C1QL3: variants seen among roughly 807,000 people sequenced by gnomAD.
C1QL3 encodes the protein complement C1q-like protein 3.
C1QL3 carries 4 observed loss-of-function variants against 16.6 expected under a neutral mutation model. The ratio of observed to expected loss-of-function variants is 0.24; its 90% CI spans 0.12 to 0.55. The LOEUF (loss-of-function observed/expected upper bound fraction) is 0.55. C1QL3 is among the 20% of genes least tolerant of loss of function. The probability of loss-of-function intolerance (pLI) is 0.94; values close to 1 mark genes in which losing one functional copy is unlikely to be tolerated. For synonymous variants in C1QL3, 189 were observed against 160.2 expected (o/e 1.18, Z -1.36); for missense variants, 269 against 365.6 (o/e 0.74, Z 2.16).
intron 1 of C1QL3, among the ~76,000 whole-genome samples, chr10:16,519,087 TAGGGTAGAGA>T (rs1475439846): frequency 6.6e-6 from 1 of 150,536 alleles, no homozygotes; most frequent in Non-Finnish European, 1.5e-5. Context: ...ATTTGTAGGA[TAGGGTAGAGA>T]ATAGGACGTT....
Position 16,514,205 on chromosome 10 carries a change from C to CATAT in C1QL3, c.*319_*322dup, listed in dbSNP as rs34471233. The CATAT allele has an allele frequency of 2.9e-5, 12 of 416,364 alleles. No individual in the cohort carries two copies. Among genetic ancestry groups the CATAT allele is most frequent in the Admixed American group, 8.4e-5 (2 of 23,808 alleles). The allele number at this position is 416,364 out of a possible 1,614,324, so 25.8% of individuals were successfully genotyped here. A position where few individuals can be genotyped will look rare whatever the true frequency, so the allele number is the denominator to read the frequency against. On this transcript the variant is annotated 3_prime_UTR_variant, in exon 2 of 2. Transcript: ENST00000298943. The stretch of plus-strand genomic sequence containing the variant: ...GCAAGATCACAGTACACCAAAGTAT[C>CATAT]ATATATATAGAAGAAATAATTCAAT...
intron 1 of C1QL3, among the ~76,000 whole-genome samples, chr10:16,515,826 A>T (rs575368285): frequency 1.3e-3 from 191 of 152,250 alleles, no homozygotes; most frequent in African/African-American, 4.4e-3. Context: ...CTATAATGAT[A>T]TTTCCCTGAA....
In C1QL3 at chr10:16,520,645, C is replaced by G; in HGVS notation, c.421G>C (p.Glu141Gln). 1 of 1,612,210 alleles carries G rather than the reference C, an allele frequency of 6.2e-7. No individual in the cohort carries two copies. The highest frequency in any genetic ancestry group is 8.5e-7 in the Non-Finnish European group (1 of 1,179,158). The change falls in exon 1 of 2, where the codon GAG (glutamate) becomes CAG (glutamine). Residue 141 changes from glutamate to glutamine, a missense_variant. Coordinates refer to ENST00000298943, the MANE Select transcript of C1QL3 (RefSeq NM_001010908.2). The surrounding 1 kb of genome is among the most constrained non-coding windows in gnomAD (Gnocchi z 8.3). ...ACCACGTCGTCGAACTTGAGCACCTCGTAGCCTTCATGCTGCCGCTTGAGG... is the reference window on the plus strand; with the variant it reads ...ACCACGTCGTCGAACTTGAGCACCTGGTAGCCTTCATGCTGCCGCTTGAGG... ...AGLKRQHEGYEVLKFDDVVTN... is the reference protein window; with the variant it reads ...AGLKRQHEGYQVLKFDDVVTN...
intron 1 of C1QL3, 22 bp from the exon 2 acceptor site, chr10:16,514,729 T>G: frequency 6.4e-7 from 1 of 1,573,128 alleles, no homozygotes; most frequent in East Asian, 2.2e-5. Context: ...AGACAAGAAT[T>G]AGGATGCGTA....
At chr10:16,517,745 T>C (rs1053942401) in intron 1 of C1QL3, among the ~76,000 whole-genome samples, 2 of 152,242 alleles carry the variant, frequency 1.3e-5, no homozygotes, top group Admixed American at 6.5e-5. Context: ...ATTATCTTAT[T>C]AGTGAGGATC....
In C1QL3 at chr10:16,520,013, T is replaced by G. The variant is rs1389545633; in HGVS notation, c.588+465A>C. Among the ~76,000 whole-genome samples, 1 of 151,880 alleles carries G rather than the reference T, an allele frequency of 6.6e-6. No homozygotes were observed. The highest frequency in any genetic ancestry group is 1.5e-5 in the Non-Finnish European group (1 of 67,970). ...CTCATTCCTTCGGGGCCCTTGTTTCTCCCTCCGGCCTTTGTCTACCACCCC... is the reference window on the plus strand; with the variant it reads ...CTCATTCCTTCGGGGCCCTTGTTTCGCCCTCCGGCCTTTGTCTACCACCCC... On this transcript the variant is annotated intron_variant, in intron 1 of 1. Transcript: ENST00000298943. This position sits in a 1 kb window ranked among gnomAD's most constrained non-coding sequence, Gnocchi z 8.3.
Position 16,520,070 on chromosome 10 carries a change from A to C in C1QL3, c.588+408T>G, listed in dbSNP as rs1837016099. On this transcript the variant is annotated intron_variant, in intron 1 of 1. Transcript: ENST00000298943. This position sits in a 1 kb window ranked among gnomAD's most constrained non-coding sequence, Gnocchi z 8.3. ...GGTCACCCTGCCACGCCCATTCCGG[A>C]CTCCCCCAGGCCTCTCCACTCCCCA... 6.8e-6 allele frequency among the ~76,000 whole-genome samples: 1 copy of C among 147,186 alleles called. No homozygotes were observed. The highest frequency in any genetic ancestry group is 1.5e-5 in the Non-Finnish European group (1 of 66,726).
intron 1 of C1QL3, among the ~76,000 whole-genome samples, chr10:16,519,816 T>C (rs1276603309): frequency 6.6e-6 from 1 of 152,190 alleles, no homozygotes; most frequent in Admixed American, 6.5e-5. Context: ...ACTATTCTTT[T>C]TGTTATCAGC....
In C1QL3 at chr10:16,520,414, C is replaced by G. The variant is rs1837022259; in HGVS notation, c.588+64G>C. On this transcript the variant is annotated intron_variant, in intron 1 of 1. Transcript: ENST00000298943. This position sits in a 1 kb window ranked among gnomAD's most constrained non-coding sequence, Gnocchi z 8.3. ...CTCCCACCCCCATTTCCGGGGTCTC[C>G]TCCCTCTCGCCCGCACCTTCCCGCG... is the stretch of plus-strand genomic sequence containing the variant. The G allele has an allele frequency of 7.8e-7, 1 of 1,282,060 alleles. No homozygotes were observed. Among genetic ancestry groups the G allele is most frequent in the Non-Finnish European group, 1.1e-6 (1 of 940,058 alleles). 79.4% of individuals were successfully genotyped at this position (1,282,060 alleles called of 1,614,324 possible).
At position 16,514,529 on chromosome 10, in the gene C1QL3, C is replaced by T; in HGVS notation, c.767G>A (p.Ter256=). Residue 256 remains the stop codon, a stop_retained_variant, in exon 2 of 2, where the codon TGA becomes TAA. Coordinates refer to ENST00000298943, the MANE Select transcript of C1QL3 (RefSeq NM_001010908.2). ...TFSGFIIYAD[*] ...ATAATAAGCTTAGTTTCTGCATTAT[C>T]AGTCAGCATAAATAATAAATCCAGA... is the stretch of plus-strand genomic sequence containing the variant. 6.2e-7 allele frequency: 1 copy of T among 1,612,092 alleles called. No homozygotes were observed. Among genetic ancestry groups the T allele is most frequent in the South Asian group, 1.1e-5 (1 of 90,812 alleles).
intron 1 of C1QL3, among the ~76,000 whole-genome samples, chr10:16,519,447 G>C (rs899747982): frequency 1.3e-5 from 2 of 151,888 alleles, no homozygotes; most frequent in African/African-American, 4.8e-5. Context: ...CGCCTCAGTG[G>C]CTACTGATTC....
chr10:16,520,472 GCT>G lies in C1QL3; in HGVS notation c.588+4_588+5del. On this transcript the variant is annotated splice_donor_5th_base_variant and intron_variant, in intron 1 of 1. Coordinates refer to ENST00000298943, the MANE Select transcript of C1QL3 (RefSeq NM_001010908.2). The surrounding 1 kb of genome is among the most constrained non-coding windows in gnomAD (Gnocchi z 8.3). ...CCCGCCCTCCCCGCCGCCCGCCCGC[GCT>G]CACCTGGTTGTTTTTGCAGAGATCA... The G allele has an allele frequency of 9.4e-7, 1 of 1,066,902 alleles. No individual in the cohort carries two copies. Among genetic ancestry groups the G allele is most frequent in the Non-Finnish European group, 1.3e-6 (1 of 766,652 alleles). 66.1% of individuals were successfully genotyped at this position (1,066,902 alleles called of 1,614,324 possible). A position where few individuals can be genotyped will look rare whatever the true frequency, so the allele number is the denominator to read the frequency against.
Position 16,520,018 on chromosome 10 carries a change from C to CCGG in C1QL3, c.588+457_588+459dup, listed in dbSNP as rs1837015038. 6.6e-6 allele frequency among the ~76,000 whole-genome samples: 1 copy of CCGG among 152,144 alleles called. No homozygotes were observed. Among genetic ancestry groups the CCGG allele is most frequent in the Admixed American group, 6.5e-5 (1 of 15,282 alleles). On this transcript the variant is annotated intron_variant, in intron 1 of 1. Transcript: ENST00000298943. The surrounding 1 kb of genome is among the most constrained non-coding windows in gnomAD (Gnocchi z 8.3). Reference sequence around the variant, plus strand: ...TCCTTCGGGGCCCTTGTTTCTCCCTCCGGCCTTTGTCTACCACCCCCGAGT... The same window carrying CCGG: ...TCCTTCGGGGCCCTTGTTTCTCCCTCCGGCGGCCTTTGTCTACCACCCCCGAGT...
chr10:16,514,328 A>T lies in C1QL3; in HGVS notation c.*200T>A, dbSNP rs1182647383. The T allele has an allele frequency of 1.7e-6, 1 of 587,476 alleles. No individual in the cohort carries two copies. Among genetic ancestry groups the T allele is most frequent in the Non-Finnish European group, 3.0e-6 (1 of 332,414 alleles). The allele number at this position is 587,476 out of a possible 1,614,324, so 36.4% of individuals were successfully genotyped here. On this transcript the variant is annotated 3_prime_UTR_variant, in exon 2 of 2. Transcript: ENST00000298943. ...ATTTGCTTTGGCGGTAGTGGATCAC[A>T]CATCTGCTTATCTTGCTTTGATATT... is the stretch of plus-strand genomic sequence containing the variant.
chr10:16,521,009 C>G lies in C1QL3; in HGVS notation c.57G>C (p.Ser19=). Residue 19 remains serine (S), a synonymous_variant, in exon 1 of 2, where the codon TCG becomes TCC. Transcript: ENST00000298943. ...IPVLVSSAGT[S]AHYEMLGTCR... ...AGGTGCCCAGCATCTCGTAGTGCGC[C>G]GACGTGCCGGCCGAGCTCACCAGCA... 1 of 1,598,988 alleles carries G rather than the reference C, an allele frequency of 6.3e-7. No homozygotes were observed. Among genetic ancestry groups the G allele is most frequent in the East Asian group, 2.2e-5 (1 of 44,542 alleles).
rs1417528345 is a variant in C1QL3, at chr10:16,514,327, CA to C, written c.*200del. Reference sequence around the variant, plus strand: ...TATTTGCTTTGGCGGTAGTGGATCACACATCTGCTTATCTTGCTTTGATATT... The same window carrying C: ...TATTTGCTTTGGCGGTAGTGGATCACCATCTGCTTATCTTGCTTTGATATT... On this transcript the variant is annotated 3_prime_UTR_variant, in exon 2 of 2. Coordinates refer to ENST00000298943, the MANE Select transcript of C1QL3 (RefSeq NM_001010908.2). 4.8e-5 allele frequency: 28 copies of C among 585,484 alleles called. No homozygotes were observed. Among genetic ancestry groups the C allele is most frequent in the Non-Finnish European group, 6.9e-5 (23 of 331,420 alleles). The allele number at this position is 585,484 out of a possible 1,614,324, so 36.3% of individuals were successfully genotyped here.
intron 1 of C1QL3, among the ~76,000 whole-genome samples, chr10:16,515,017 C>T (rs1445999925): frequency 2.0e-5 from 3 of 152,082 alleles, no homozygotes; most frequent in Non-Finnish European, 2.9e-5. Flanking sequence ...CTAACTCCTT[C>T]GATCCCTATG....
At position 16,520,977 on chromosome 10, in the gene C1QL3, A is replaced by T; in HGVS notation, c.89T>A (p.Met30Lys). Residue 30 changes from methionine to lysine, a missense_variant, in exon 1 of 2, where the codon ATG becomes AAG. By Grantham distance (95) the Met-to-Lys change is moderately conservative. Coordinates refer to ENST00000298943, the MANE Select transcript of C1QL3 (RefSeq NM_001010908.2). The surrounding 1 kb of genome is among the most constrained non-coding windows in gnomAD (Gnocchi z 8.3). ...AHYEMLGTCR[M>K]VCDPYGGTKA... ...GGTGCCCCCGTAGGGGTCGCAGACC[A>T]TGCGGCAGGTGCCCAGCATCTCGTA... The T allele has an allele frequency of 5.0e-6, 8 of 1,591,670 alleles. No individual in the cohort carries two copies. The highest frequency in any genetic ancestry group is 6.8e-6 in the Non-Finnish European group (8 of 1,175,600).
chr10:16,519,666 C>T (rs188205745), intron 1 of C1QL3, among the ~76,000 whole-genome samples: 1 of 152,236 alleles, frequency 6.6e-6, no homozygotes, highest in Admixed American at 6.5e-5. Flanking sequence ...CCGGCTGGTC[C>T]AGAGGCCGAT....
Sources: gnomAD v4.1 joint callset for allele counts (sites outside exome capture counted in the v4.1 genomes callset) on GRCh38, gnomAD v4.1.1 for gene constraint, Gnocchi (gnomAD v3.1) non-coding constraint, MANE v1.5 for transcripts, NCBI Gene and HGNC (gene_info 2026-07-23, HGNC 2026-07-21) for gene names.